The following MCTP2 variants were observed in gnomAD, a reference collection of about 807,000 sequenced individuals.
MCTP2 encodes the protein multiple C2 and transmembrane domain containing 2.
A neutral mutation model predicts 111.6 loss-of-function variants in MCTP2; 132 were observed. That is an observed-to-expected ratio of 1.18 (90% CI 1.03 to 1.37). The LOEUF (loss-of-function observed/expected upper bound fraction) is 1.37. MCTP2 is among the 40% of genes most tolerant of loss of function. The probability of loss-of-function intolerance (pLI) is 0.00; values close to 1 mark genes in which losing one functional copy is unlikely to be tolerated. For missense variants in MCTP2, 1,183 were observed against 1,067.9 expected (o/e 1.11, Z -1.50); for synonymous variants, 395 against 387.7 (o/e 1.02, Z -0.22).
At chr15:94,321,658 C>A (rs1198539132) in intron 4 of MCTP2, among the ~76,000 whole-genome samples, 1 of 152,108 alleles carries the variant, frequency 6.6e-6, no homozygotes, top group Non-Finnish European at 1.5e-5. Context: ...TATGATCTGT[C>A]TTTAGCATAG....
intron 1 of MCTP2, among the ~76,000 whole-genome samples, chr15:94,244,296 G>A (rs973475620): frequency 6.9e-6 from 1 of 145,686 alleles, no homozygotes; most frequent in Non-Finnish European, 1.5e-5. Flanking sequence ...ATACATATGT[G>A]TATATATTTA....
intron 20 of MCTP2, among the ~76,000 whole-genome samples, chr15:94,468,298 G>GTAT (rs913229942): frequency 6.6e-6 from 1 of 152,150 alleles, no homozygotes; most frequent in East Asian, 1.9e-4. Flanking sequence ...TGTGATATAG[G>GTAT]TATTATTATT....
intron 14 of MCTP2, among the ~76,000 whole-genome samples, chr15:94,396,378 T>A (rs1233716871): frequency 6.6e-6 from 1 of 152,170 alleles, no homozygotes; most frequent in Non-Finnish European, 1.5e-5. Context: ...TTTAAGGTTA[T>A]AAATGTAGAA....
intron 1 of MCTP2, among the ~76,000 whole-genome samples, chr15:94,276,129 C>G (rs71395767): frequency 0.035 from 5,289 of 152,164 alleles, 140 homozygotes; most frequent in Middle Eastern, 0.054. Flanking sequence ...CAGGTGTGAG[C>G]CACCGTGCCT....
intron 20 of MCTP2, among the ~76,000 whole-genome samples, chr15:94,462,684 G>A (rs1264271793): frequency 1.3e-5 from 2 of 152,126 alleles, no homozygotes; most frequent in Admixed American, 6.5e-5. Context: ...CAATGAAGAC[G>A]GGATCGTAAC....
At position 94,479,334 on chromosome 15, in the gene MCTP2, C is replaced by T; in HGVS notation, c.*300C>T. The T allele has an allele frequency of 2.5e-6, 1 of 399,610 alleles. No individual in the cohort carries two copies. 24.8% of individuals were successfully genotyped at this position (399,610 alleles called of 1,614,324 possible). A position where few individuals can be genotyped will look rare whatever the true frequency, so the allele number is the denominator to read the frequency against. On this transcript the variant is annotated 3_prime_UTR_variant, in exon 23 of 23. Transcript: ENST00000357742. ...AAGGCTGCCATGGATCTGAACACCA[C>T]CTTCCTTGAGAACAGCCAGGAGCCC...
intron 14 of MCTP2, among the ~76,000 whole-genome samples, chr15:94,387,522 C>T (rs1352335043): frequency 6.6e-6 from 1 of 152,114 alleles, no homozygotes; most frequent in East Asian, 1.9e-4. Flanking sequence ...GCAAGGAGTC[C>T]TCGATTGGGA....
chr15:94,390,064 A>ACATATATATATG (rs1567601964), intron 14 of MCTP2, among the ~76,000 whole-genome samples: 6 of 17,368 alleles, frequency 3.5e-4, no homozygotes, highest in Non-Finnish European at 4.8e-4. Context: ...ATATATATAT[A>ACATATATATATG]TATATATATA....
intron 19 of MCTP2, 62 bp downstream of exon 19, chr15:94,443,022 C>T: frequency 1.5e-6 from 2 of 1,352,660 alleles, no homozygotes; most frequent in South Asian, 2.6e-5. Context: ...AGATAGCATT[C>T]CTTCAGGTTG....
chr15:94,279,227 T>C (rs919327190), intron 1 of MCTP2, among the ~76,000 whole-genome samples: 3 of 152,184 alleles, frequency 2.0e-5, no homozygotes, highest in African/African-American at 7.2e-5. Context: ...TTTTTAACAA[T>C]AGTGATTCCT....
At chr15:94,455,594 T>A (rs1343959398) in intron 19 of MCTP2, among the ~76,000 whole-genome samples, 1 of 151,776 alleles carries the variant, frequency 6.6e-6, no homozygotes, top group Non-Finnish European at 1.5e-5. Context: ...CCCAGCTAAT[T>A]TTTGTATTTT....
intron 1 of MCTP2, among the ~76,000 whole-genome samples, chr15:94,251,829 T>C (rs898018164): frequency 6.6e-6 from 1 of 152,176 alleles, no homozygotes; most frequent in African/African-American, 2.4e-5. Context: ...ATCATTCTAC[T>C]TTCTGTCTCC....
intron 21 of MCTP2, among the ~76,000 whole-genome samples, chr15:94,475,416 G>C (rs985849426): frequency 1.3e-5 from 2 of 152,142 alleles, no homozygotes; most frequent in African/African-American, 2.4e-5. Context: ...CATTGTGTCA[G>C]GTATAATGCC....
chr15:94,248,720 C>T (rs758992738), intron 1 of MCTP2, among the ~76,000 whole-genome samples: 3 of 152,070 alleles, frequency 2.0e-5, no homozygotes, highest in Non-Finnish European at 1.5e-5. Context: ...ATATGATTTA[C>T]GAAATTTGAA....
intron 1 of MCTP2, among the ~76,000 whole-genome samples, chr15:94,243,702 T>TAC (rs1567253395): frequency 1.5e-5 from 2 of 137,308 alleles, no homozygotes; most frequent in Non-Finnish European, 3.1e-5. Flanking sequence ...CATATGCGTA[T>TAC]ATACACATAT....
At chr15:94,390,725 C>CTTTTTTTTTTTT (rs777312969) in intron 14 of MCTP2, among the ~76,000 whole-genome samples, 17 of 112,976 alleles carry the variant, frequency 1.5e-4, no homozygotes, top group African/African-American at 3.4e-4. Flanking sequence ...CTTTTCTTTT[C>CTTTTTTTTTTTT]TTTTTTTTTT....
chr15:94,339,299 A>T lies in MCTP2; in HGVS notation c.647A>T (p.Asp216Val), dbSNP rs749717153. ...TCTTTTCCTTTTAAAGGCACAAGTG[A>T]TCCTTATGTGAAATTTAAGCTGAAT... ...LVVRDRCGTS[D>V]PYVKFKLNGK... is the part of the protein sequence containing the mutation. The change falls in exon 5 of 23, where the codon GAT becomes GTT. Residue 216 changes from aspartate to valine, a missense_variant. Asp to Val is a radical substitution (Grantham distance 152). Transcript: ENST00000357742. The T allele has an allele frequency of 1.2e-6, 2 of 1,603,320 alleles. No individual in the cohort carries two copies. The highest frequency in any genetic ancestry group is 4.5e-5 in the East Asian group (2 of 44,792).
At chr15:94,349,819 GAA>G (rs1201748064) in intron 8 of MCTP2, among the ~76,000 whole-genome samples, 7 of 126,566 alleles carry the variant, frequency 5.5e-5, no homozygotes, top group Admixed American at 1.6e-4. Context: ...GACTCTGTCT[GAA>G]AAAAAAAAAA....
At chr15:94,406,429 A>T (rs906217287) in intron 17 of MCTP2, among the ~76,000 whole-genome samples, 2 of 152,194 alleles carry the variant, frequency 1.3e-5, no homozygotes, top group African/African-American at 4.8e-5. Flanking sequence ...TTGTATTTAC[A>T]TAGTGACACC....
Sources: gnomAD v4.1 joint callset for allele counts (sites outside exome capture counted in the v4.1 genomes callset) on GRCh38, gnomAD v4.1.1 for gene constraint, MANE v1.5 for transcripts, NCBI Gene and HGNC (gene_info 2026-07-23, HGNC 2026-07-21) for gene names.